The following EGFL6 variants were observed in gnomAD, a reference collection of about 807,000 sequenced individuals.
EGFL6 encodes the protein epidermal growth factor-like protein 6.
Under a neutral mutation model 43.1 loss-of-function variants are expected in EGFL6, and 42 were observed. The ratio of observed to expected loss-of-function variants is 0.98; its 90% CI spans 0.76 to 1.26. EGFL6 has a LOEUF of 1.26. Ranked by LOEUF, EGFL6 falls within the 50% of genes most tolerant of loss-of-function variation. EGFL6 has a pLI of 0.00. For synonymous variants in EGFL6, 164 were observed against 163.2 expected (o/e 1.01, Z -0.04); for missense variants, 429 against 427.8 (o/e 1.00, Z -0.02).
intron 11 of EGFL6, among the ~76,000 whole-genome samples, chrX:13,629,212 C>T (rs765761543): frequency 5.4e-5 from 6 of 112,075 alleles, no homozygotes; most frequent in East Asian, 2.8e-4. Flanking sequence ...ATCCAATCCA[C>T]GTATTTTCTT....
rs201883745 is a variant in EGFL6 at position 13,623,338 on chromosome X, T to TA, written c.1184-486_1184-485insA. ...CATGGGGTTCTCGCCCATTACTAATTTTTTTTTTTTTTAAAAAAGGGTTTT... is the reference window on the plus strand; with the variant it reads ...CATGGGGTTCTCGCCCATTACTAATTATTTTTTTTTTTTAAAAAAGGGTTTT... On this transcript the variant is annotated intron_variant, in intron 9 of 11. Transcript: ENST00000361306. 3.0e-3 allele frequency among the ~76,000 whole-genome samples: 306 copies of TA among 100,836 alleles called. 7 individuals carry two copies. Among genetic ancestry groups the TA allele is most frequent in the East Asian group, 0.028 (89 of 3,210 alleles). 87.6% of individuals were successfully genotyped at this position (100,836 alleles called of 115,157 possible). A position where few individuals can be genotyped will look rare whatever the true frequency, so the allele number is the denominator to read the frequency against.
chrX:13,627,245 A>G lies in EGFL6; in HGVS notation c.1520A>G (p.Gln507Arg). 8.3e-7 allele frequency: 1 copy of G among 1,211,090 alleles called. No individual in the cohort carries two copies. The highest frequency in any genetic ancestry group is 1.1e-6 in the Non-Finnish European group (1 of 894,470). Residue 507 changes from glutamine to arginine, a missense_variant, in exon 11 of 12, where the codon CAG becomes CGG. Coordinates refer to ENST00000361306, the MANE Select transcript of EGFL6 (RefSeq NM_015507.4). ...GAAAAGTGGAAGACAGGGAAAATTC[A>G]GTTGTATCAAGGAACTGATGCTACC... ...EDEKWKTGKIQLYQGTDATKS... is the reference protein window; with the variant it reads ...EDEKWKTGKIRLYQGTDATKS...
chrX:13,601,097 A>G (rs1365723354), intron 4 of EGFL6, among the ~76,000 whole-genome samples: 4 of 111,453 alleles, frequency 3.6e-5, no homozygotes, highest in Non-Finnish European at 7.5e-5. Flanking sequence ...ATCTGCATCT[A>G]TATATATGCA....
chrX:13,625,725 AAAAG>A (rs1394701592), intron 10 of EGFL6, among the ~76,000 whole-genome samples: 3 of 108,886 alleles, frequency 2.8e-5, no homozygotes, highest in Non-Finnish European at 5.7e-5. Flanking sequence ...AAAAAAATGA[AAAAG>A]AAAAAAATTA....
chrX:13,617,840 A>T lies in EGFL6; in HGVS notation c.889A>T (p.Lys297Ter). 8.3e-7 allele frequency: 1 copy of T among 1,211,524 alleles called. No homozygotes were observed. Among genetic ancestry groups the T allele is most frequent in the Non-Finnish European group, 1.1e-6 (1 of 895,340 alleles). ...CAGCATGAAAAAGAAGGCAAAAATTAAAAATGTTACCCCAGAACCCACCAG... is the reference window on the plus strand; with the variant it reads ...CAGCATGAAAAAGAAGGCAAAAATTTAAAATGTTACCCCAGAACCCACCAG... ...KNSMKKKAKI[K>*]NVTPEPTRTP... Residue 297 changes from lysine to a stop codon, truncating the protein, a stop_gained, in exon 8 of 12, where the codon AAA becomes TAA. Coordinates refer to ENST00000361306, the MANE Select transcript of EGFL6 (RefSeq NM_015507.4). LOFTEE classifies it high-confidence loss of function.
chrX:13,575,822 T>C (rs1031161952), intron 1 of EGFL6, among the ~76,000 whole-genome samples: 1 of 112,638 alleles, frequency 8.9e-6, no homozygotes, highest in African/African-American at 3.2e-5. Context: ...CATGGCAACA[T>C]TGCTTTTTGA....
chrX:13,597,629 C>CA (rs1450386584), intron 3 of EGFL6, among the ~76,000 whole-genome samples: 1 of 111,204 alleles, frequency 9.0e-6, no homozygotes, highest in Non-Finnish European at 1.9e-5. Context: ...ACTAAAAATA[C>CA]AAAAATTAGC....
intron 2 of EGFL6, among the ~76,000 whole-genome samples, chrX:13,591,584 T>C (rs140619788): frequency 5.0e-4 from 56 of 111,736 alleles, no homozygotes; most frequent in African/African-American, 8.1e-4. Flanking sequence ...AACAGGGTAG[T>C]TATTCCCTGA....
At chrX:13,592,106 G>A (rs922144205) in intron 2 of EGFL6, among the ~76,000 whole-genome samples, 1 of 110,617 alleles carries the variant, frequency 9.0e-6, no homozygotes, top group Non-Finnish European at 1.9e-5. Context: ...TATAGCAAGG[G>A]TATTATTCAC....
At chrX:13,620,724 G>C (rs578101352) in intron 9 of EGFL6, among the ~76,000 whole-genome samples, 1 of 111,266 alleles carries the variant, frequency 9.0e-6, no homozygotes, top group African/African-American at 3.3e-5. Flanking sequence ...ATGTTTCATT[G>C]TACAGGGGGT....
chrX:13,592,870 G>C (rs7891982), intron 2 of EGFL6, among the ~76,000 whole-genome samples: 1,852 of 69,563 alleles, frequency 0.027, 56 homozygotes, highest in African/African-American at 0.1. Flanking sequence ...TCGGGGGGGT[G>C]GGGGGGCTAG....
chrX:13,610,863 A>G (rs971959346), intron 7 of EGFL6, among the ~76,000 whole-genome samples: 2 of 111,185 alleles, frequency 1.8e-5, no homozygotes, highest in Admixed American at 1.9e-4. Context: ...GGGCCAGTCC[A>G]CAGTCCCTTG....
intron 1 of EGFL6, among the ~76,000 whole-genome samples, chrX:13,576,475 C>T (rs961435890): frequency 8.9e-6 from 1 of 111,811 alleles, no homozygotes; most frequent in Non-Finnish European, 1.9e-5. Context: ...CCATCTGTAT[C>T]ACCAGCCAAT....
At position 13,592,706 on chromosome X, in the gene EGFL6, G is replaced by C. The variant is rs143622840; in HGVS notation, c.188-2130G>C. 3.6e-3 allele frequency among the ~76,000 whole-genome samples: 391 copies of C among 110,128 alleles called. 11 individuals are homozygous for C. The East Asian group carries it at 0.092, about 26-fold the overall frequency. The stretch of plus-strand genomic sequence containing the variant: ...AAATCTGTAAAGGCTTTTAGAAGAA[G>C]GGGCCATGCAAGGTGGTCCTTGAAG... On this transcript the variant is annotated intron_variant, in intron 2 of 11. Transcript: ENST00000361306.
At chrX:13,597,764 A>G (rs1418650464) in intron 3 of EGFL6, among the ~76,000 whole-genome samples, 4 of 109,086 alleles carry the variant, frequency 3.7e-5, no homozygotes, top group Non-Finnish European at 5.7e-5. Flanking sequence ...AGCCTGGGCA[A>G]CAGAGCGAGA....
chrX:13,601,047 TA>T (rs1380459994), intron 4 of EGFL6, among the ~76,000 whole-genome samples: 4 of 110,879 alleles, frequency 3.6e-5, no homozygotes, highest in Non-Finnish European at 7.6e-5. Context: ...ACTTTATAAA[TA>T]AAAAGGCAAA....
At chrX:13,586,526 C>T (rs934983657) in intron 1 of EGFL6, among the ~76,000 whole-genome samples, 4 of 110,941 alleles carry the variant, frequency 3.6e-5, no homozygotes, top group Non-Finnish European at 5.7e-5. Context: ...TGCAGGCTGC[C>T]GACTTCTCAA....
At chrX:13,595,868 C>T (rs1161987874) in intron 3 of EGFL6, among the ~76,000 whole-genome samples, 1 of 109,963 alleles carries the variant, frequency 9.1e-6, no homozygotes, top group Non-Finnish European at 1.9e-5. Flanking sequence ...CACAGGCACA[C>T]ACCACCATGC....
At chrX:13,577,050 G>GAA (rs1311876579) in intron 1 of EGFL6, among the ~76,000 whole-genome samples, 1 of 110,001 alleles carries the variant, frequency 9.1e-6, no homozygotes, top group East Asian at 2.8e-4. Flanking sequence ...CTGAACAGTT[G>GAA]ATGTGCCCAA....
Sources: allele counts gnomAD v4.1 joint callset (sites outside exome capture counted in the v4.1 genomes callset), GRCh38; gene constraint gnomAD v4.1.1; transcripts MANE v1.5; gene names NCBI Gene and HGNC (gene_info 2026-07-23, HGNC 2026-07-21).